LRMDA: variants seen among roughly 807,000 people sequenced by gnomAD.
LRMDA encodes leucine-rich melanocyte differentiation-associated protein.
Under a neutral mutation model 29.8 loss-of-function variants are expected in LRMDA, and 18 were observed. The observed-to-expected ratio is 0.60, with a 90% CI of 0.42 to 0.90. The LOEUF is 0.90. Among genes scored for constraint, LRMDA ranks in the 40% least tolerant of loss-of-function variants. The pLI is 0.00. For missense variants in LRMDA, 273 were observed against 273.9 expected, an observed-to-expected ratio of 1.00 and a Z score of 0.02; for synonymous variants, 125 against 109.4, an observed-to-expected ratio of 1.14 and a Z score of -0.89.
Position 76,137,954 on chromosome 10 carries a change from C to T in LRMDA, c.516+79171C>T, listed in dbSNP as rs141855582. ...AGGAACAGAAGGAAGAACTGAGGAG[C>T]GGTGAGAACTAAATTAGGAGAATGT... On this transcript the variant is annotated intron_variant, in intron 5 of 6. Coordinates refer to ENST00000611255, the MANE Select transcript of LRMDA (RefSeq NM_001305581.2). 1.4e-3 allele frequency among the ~76,000 whole-genome samples: 214 copies of T among 152,086 alleles called. 1 individual carries two copies. Among genetic ancestry groups the T allele is most frequent in the African/African-American group, 4.5e-3 (185 of 41,494 alleles).
intron 2 of LRMDA, among the ~76,000 whole-genome samples, chr10:75,635,580 A>G (rs1181991793): frequency 6.6e-6 from 1 of 152,180 alleles, no homozygotes; most frequent in Non-Finnish European, 1.5e-5. Flanking sequence ...ATCACCCACA[A>G]GGGAAAGAGA....
At chr10:75,756,108 G>A (rs1843029012) in intron 2 of LRMDA, among the ~76,000 whole-genome samples, 1 of 152,132 alleles carries the variant, frequency 6.6e-6, no homozygotes, top group South Asian at 2.1e-4. Context: ...ACTGATTTTT[G>A]TGCTGGGGCA....
chr10:75,513,860 A>G (rs1845256929), intron 2 of LRMDA, among the ~76,000 whole-genome samples: 1 of 152,104 alleles, frequency 6.6e-6, no homozygotes. Context: ...GCAAAGTCCC[A>G]TTTGCCATGT....
At chr10:75,635,191 C>T (rs781470164) in intron 2 of LRMDA, among the ~76,000 whole-genome samples, 1 of 152,014 alleles carries the variant, frequency 6.6e-6, no homozygotes, top group Non-Finnish European at 1.5e-5. Flanking sequence ...GTTTTGAGTT[C>T]GTAAATCAGT....
intron 6 of LRMDA, among the ~76,000 whole-genome samples, chr10:76,440,504 C>G (rs181783710): frequency 6.6e-6 from 1 of 152,244 alleles, no homozygotes; most frequent in East Asian, 1.9e-4. Context: ...CTGTAACTAG[C>G]TTTGCAACTG....
intron 2 of LRMDA, among the ~76,000 whole-genome samples, chr10:75,703,296 A>T (rs1186117648): frequency 1.3e-5 from 2 of 152,196 alleles, no homozygotes; most frequent in African/African-American, 4.8e-5. Flanking sequence ...GGGGGACGCA[A>T]GCGTCATATA....
intron 5 of LRMDA, among the ~76,000 whole-genome samples, chr10:76,133,461 T>G (rs915283354): frequency 2.0e-5 from 3 of 152,114 alleles, no homozygotes; most frequent in African/African-American, 7.2e-5. Context: ...TTGTCTGCTT[T>G]CCTTCCCCAG....
intron 5 of LRMDA, among the ~76,000 whole-genome samples, chr10:76,082,930 T>C (rs912032267): frequency 6.6e-6 from 1 of 152,086 alleles, no homozygotes. Flanking sequence ...GAAGCCAGCT[T>C]TGAGTTGAAG....
intron 2 of LRMDA, among the ~76,000 whole-genome samples, chr10:75,487,621 A>C (rs2132058121): frequency 6.6e-6 from 1 of 152,102 alleles, no homozygotes; most frequent in East Asian, 1.9e-4. Context: ...TACAGCTAGG[A>C]CCCAGCGTTC....
At chr10:76,100,401 A>G (rs1229028428) in intron 5 of LRMDA, among the ~76,000 whole-genome samples, 1 of 152,210 alleles carries the variant, frequency 6.6e-6, no homozygotes, top group African/African-American at 2.4e-5. Context: ...CAGGCCATAC[A>G]CAGGAACGGA....
intron 2 of LRMDA, among the ~76,000 whole-genome samples, chr10:75,674,274 G>A (rs1295844503): frequency 6.6e-6 from 1 of 152,164 alleles, no homozygotes; most frequent in Non-Finnish European, 1.5e-5. Flanking sequence ...TTAACAGGGA[G>A]CAGATTTTAG....
intron 2 of LRMDA, among the ~76,000 whole-genome samples, chr10:75,919,284 G>C (rs978243684): frequency 6.6e-6 from 1 of 152,166 alleles, no homozygotes; most frequent in African/African-American, 2.4e-5. Context: ...TTAGTCTAGG[G>C]GTTGACTAAG....
intron 2 of LRMDA, among the ~76,000 whole-genome samples, chr10:75,482,575 C>A (rs1472698139): frequency 6.6e-6 from 1 of 152,084 alleles, no homozygotes; most frequent in Non-Finnish European, 1.5e-5. Context: ...TTACTGTGCG[C>A]GTATTTCCTG....
At chr10:76,272,176 C>G (rs1424063301) in intron 5 of LRMDA, among the ~76,000 whole-genome samples, 3 of 152,096 alleles carry the variant, frequency 2.0e-5, no homozygotes, top group Non-Finnish European at 4.4e-5. Context: ...ACAGAGATGC[C>G]CCCATTCCAC....
chr10:75,686,544 C>T (rs1842084127), intron 2 of LRMDA, among the ~76,000 whole-genome samples: 2 of 152,184 alleles, frequency 1.3e-5, no homozygotes, highest in African/African-American at 4.8e-5. Flanking sequence ...TGTGTAGTGC[C>T]TGGCACATAA....
intron 2 of LRMDA, among the ~76,000 whole-genome samples, chr10:75,855,279 A>G (rs1469010014): frequency 6.6e-6 from 1 of 152,114 alleles, no homozygotes; most frequent in African/African-American, 2.4e-5. Context: ...GTGAGATGGT[A>G]TCTCATTGTG....
At chr10:75,655,886 C>A (rs1841668238) in intron 2 of LRMDA, among the ~76,000 whole-genome samples, 1 of 152,100 alleles carries the variant, frequency 6.6e-6, no homozygotes, top group South Asian at 2.1e-4. Context: ...CCTTCACCTG[C>A]ACATCCCTCA....
intron 6 of LRMDA, among the ~76,000 whole-genome samples, chr10:76,383,462 C>T (rs868824071): frequency 7.8e-5 from 10 of 128,874 alleles, no homozygotes; most frequent in African/African-American, 1.8e-4. Context: ...CTCGCTCTGT[C>T]GCCCAGGCCG....
intron 2 of LRMDA, among the ~76,000 whole-genome samples, chr10:75,798,822 A>T (rs963786793): frequency 7.2e-5 from 11 of 152,192 alleles, no homozygotes; most frequent in African/African-American, 2.6e-4. Context: ...CCCTGATCTG[A>T]TCACTATATA....
Sources: allele counts gnomAD v4.1 joint callset (sites outside exome capture counted in the v4.1 genomes callset), GRCh38; gene constraint gnomAD v4.1.1; transcripts MANE v1.5; gene names NCBI Gene and HGNC (gene_info 2026-07-23, HGNC 2026-07-21).